TDP1: variants seen among roughly 807,000 people sequenced by gnomAD.
TDP1 encodes the protein tyrosyl-DNA phosphodiesterase 1, also known as tyr-DNA phosphodiesterase 1.
Under a neutral mutation model 81.5 loss-of-function variants are expected in TDP1, and 64 were observed. The ratio of observed to expected loss-of-function variants is 0.79; its 90% CI spans 0.64 to 0.97. The LOEUF is 0.97. TDP1 is among the 50% of genes least tolerant of loss of function. The pLI is 0.00. For missense variants in TDP1, 723 were observed against 743.8 expected (o/e 0.97, Z 0.33); for synonymous variants, 256 against 264.3 (o/e 0.97, Z 0.30).
At chr14:89,988,597 G>C (rs1895831082) in intron 10 of TDP1, 1 of 981,360 alleles carries the variant, frequency 1.0e-6, no homozygotes, top group Non-Finnish European at 1.2e-6. Flanking sequence ...CATATGACAA[G>C]TTGGTGGTTT....
intron 14 of TDP1, among the ~76,000 whole-genome samples, chr14:89,999,893 T>C (rs1277041997): frequency 6.6e-6 from 1 of 152,248 alleles, no homozygotes; most frequent in Non-Finnish European, 1.5e-5. Context: ...TGCTATGTAA[T>C]ATATGATCAC....
At chr14:89,964,900 C>A in intron 3 of TDP1, 1 of 436,238 alleles carries the variant, frequency 2.3e-6, no homozygotes, top group Non-Finnish European at 4.5e-6. Flanking sequence ...ATAAATGATG[C>A]ATCTGCACTT....
At chr14:90,023,168 T>G in intron 15 of TDP1, 1 of 708,080 alleles carries the variant, frequency 1.4e-6, no homozygotes. Context: ...ACAGGGGCTC[T>G]GAGAAGAGGG....
At chr14:90,003,932 T>G (rs1897404422) in intron 14 of TDP1, among the ~76,000 whole-genome samples, 1 of 152,016 alleles carries the variant, frequency 6.6e-6, no homozygotes, top group African/African-American at 2.4e-5. Context: ...TTCTCCTTTG[T>G]CTGAGTATTT....
chr14:90,042,388 A>G (rs1055597292), intron 16 of TDP1, among the ~76,000 whole-genome samples: 7 of 152,216 alleles, frequency 4.6e-5, no homozygotes, highest in South Asian at 2.1e-4. Flanking sequence ...CAGCTCCACA[A>G]CATAGGTACA....
chr14:90,022,245 G>A (rs1415179406), intron 15 of TDP1, among the ~76,000 whole-genome samples: 1 of 152,208 alleles, frequency 6.6e-6, no homozygotes, highest in Non-Finnish European at 1.5e-5. Context: ...GGACTTTGTT[G>A]TGCATTACAG....
chr14:89,972,577 T>TTAA (rs1893791534), intron 6 of TDP1, among the ~76,000 whole-genome samples: 1 of 152,232 alleles, frequency 6.6e-6, no homozygotes, highest in Admixed American at 6.5e-5. Context: ...GTCTTGGACT[T>TTAA]TCATTAGGAT....
Position 89,963,561 on chromosome 14 carries a change from G to C in TDP1, c.447G>C (p.Gly149=). The C allele has an allele frequency of 6.2e-7, 1 of 1,612,774 alleles. No homozygotes were observed. Among genetic ancestry groups the C allele is most frequent in the Non-Finnish European group, 8.5e-7 (1 of 1,179,270 alleles). Residue 149 remains glycine, a synonymous_variant, in exon 3 of 17, where the codon GGG becomes GGC. Coordinates refer to ENST00000335725, the MANE Select transcript of TDP1 (RefSeq NM_018319.4). ...AGGAAGACGAGTATGAGACATCAGG[G>C]GAGGGCCAGGACATTTGGGACATGC... ...KEEEDEYETS[G]EGQDIWDMLD...
chr14:90,014,993 CAG>C (rs1885149301), intron 14 of TDP1, among the ~76,000 whole-genome samples: 1 of 152,176 alleles, frequency 6.6e-6, no homozygotes, highest in Non-Finnish European at 1.5e-5. Flanking sequence ...CAGTGAAACT[CAG>C]AGATTTTACC....
chr14:90,039,015 CTA>C, intron 16 of TDP1, among the ~76,000 whole-genome samples: 1 of 151,666 alleles, frequency 6.6e-6, no homozygotes, highest in East Asian at 1.9e-4. Context: ...TAAAAGTAAA[CTA>C]TGAGTTCAGC....
chr14:90,014,248 G>A (rs1382622515), intron 14 of TDP1, among the ~76,000 whole-genome samples: 1 of 152,174 alleles, frequency 6.6e-6, no homozygotes, highest in East Asian at 1.9e-4. Flanking sequence ...TTATGTTCCT[G>A]TGTATACCTG....
At chr14:90,029,444 C>T (rs1426779446) in intron 15 of TDP1, among the ~76,000 whole-genome samples, 11 of 151,632 alleles carry the variant, frequency 7.3e-5, no homozygotes, top group Non-Finnish European at 7.4e-5. Context: ...GGTCATCCGC[C>T]CGCCTCGGCC....
chr14:89,978,961 C>G (rs190886787), intron 7 of TDP1, among the ~76,000 whole-genome samples: 1 of 152,262 alleles, frequency 6.6e-6, no homozygotes, highest in East Asian at 1.9e-4. Context: ...TTCTCGTACC[C>G]TTTTTCTTAT....
chr14:89,994,823 C>G (rs561814087), intron 14 of TDP1, among the ~76,000 whole-genome samples: 1 of 152,144 alleles, frequency 6.6e-6, no homozygotes, highest in Non-Finnish European at 1.5e-5. Context: ...AGAGAAAACC[C>G]AGACGGATTA....
chr14:90,022,518 C>G (rs530866556), intron 15 of TDP1, among the ~76,000 whole-genome samples: 1 of 152,310 alleles, frequency 6.6e-6, no homozygotes, highest in Non-Finnish European at 1.5e-5. Context: ...TCTCCCAGCT[C>G]CATTCCCGGA....
At chr14:90,017,666 T>C (rs1174071325) in intron 14 of TDP1, among the ~76,000 whole-genome samples, 1 of 152,166 alleles carries the variant, frequency 6.6e-6, no homozygotes, top group Non-Finnish European at 1.5e-5. Flanking sequence ...CAGAAAGCGA[T>C]CATCTAAAAA....
chr14:89,961,968 G>A (rs1004470264), intron 2 of TDP1, among the ~76,000 whole-genome samples: 14 of 152,128 alleles, frequency 9.2e-5, no homozygotes, highest in Admixed American at 9.2e-4. Context: ...TCACATTGAG[G>A]AACTGTTCTT....
chr14:89,977,875 A>C (rs866175940), intron 7 of TDP1, among the ~76,000 whole-genome samples: 37 of 151,236 alleles, frequency 2.4e-4, no homozygotes, highest in African/African-American at 8.9e-4. Context: ...GTTGGATGCC[A>C]TGCAATCCCG....
intron 2 of TDP1, among the ~76,000 whole-genome samples, chr14:89,957,996 G>A (rs377122228): frequency 3.9e-5 from 6 of 152,148 alleles, no homozygotes; most frequent in Non-Finnish European, 5.9e-5. Context: ...GCGAGGAGTC[G>A]GTTTGTGAGT....
Sources: allele counts gnomAD v4.1 joint callset (sites outside exome capture counted in the v4.1 genomes callset), GRCh38; gene constraint gnomAD v4.1.1; transcripts MANE v1.5; gene names NCBI Gene and HGNC (gene_info 2026-07-23, HGNC 2026-07-21).